ARAP2: variants seen among roughly 807,000 people sequenced by gnomAD.
The protein encoded by ARAP2 is arf-GAP with Rho-GAP domain, ANK repeat and PH domain-containing protein 2.
A neutral mutation model predicts 194.5 loss-of-function variants in ARAP2; 148 were observed. That is an observed-to-expected ratio of 0.76 (90% CI 0.67 to 0.87). The LOEUF (loss-of-function observed/expected upper bound fraction) is 0.87, where lower values mean the gene tolerates loss of function less well. Ranked by LOEUF, ARAP2 falls within the 40% of genes least tolerant of loss-of-function variation. The probability of loss-of-function intolerance (pLI) is 0.00; values close to 1 mark genes in which losing one functional copy is unlikely to be tolerated. For synonymous variants in ARAP2, 695 were observed against 683.5 expected, an observed-to-expected ratio of 1.02 and a Z score of -0.26; for missense variants, 2,128 against 1,989.7, an observed-to-expected ratio of 1.07 and a Z score of -1.32.
chr4:36,025,090 G>C (rs991204254), intron 5 of ARAP2, among the ~76,000 whole-genome samples: 1 of 152,102 alleles, frequency 6.6e-6, no homozygotes, highest in Non-Finnish European at 1.5e-5. Flanking sequence ...GTGGGTGTTG[G>C]AGATAATTCA....
In ARAP2 at chr4:36,229,158, C is replaced by A. The variant is rs745913587; in HGVS notation, c.329G>T (p.Gly110Val). Reference protein sequence around the residue: ...QNICIELSNSGSVQTSSPPQL... With the variant: ...QNICIELSNSVSVQTSSPPQL... ...CGGTGGGCTAGATGTCTGAACACTA[C>A]CAGAATTGGAAAGTTCTATGCAGAT... The change falls in exon 2 of 33, where the codon GGT becomes GTT. Residue 110 changes from glycine to valine, a missense_variant. By Grantham distance (109) the Gly-to-Val change is moderately radical. Transcript: ENST00000303965. The A allele has an allele frequency of 1.2e-6, 2 of 1,614,058 alleles. No individual in the cohort carries two copies. Among genetic ancestry groups the A allele is most frequent in the South Asian group, 1.1e-5 (1 of 91,078 alleles).
intron 30 of ARAP2, 112 bp downstream of exon 30, chr4:36,082,139 A>T (rs1729703840): frequency 9.9e-7 from 1 of 1,005,212 alleles, no homozygotes; most frequent in Non-Finnish European, 1.5e-6. Flanking sequence ...CCCTAATTTC[A>T]CTTAGGCAAA....
At chr4:36,048,290 T>G (rs1306199487) in intron 3 of ARAP2, among the ~76,000 whole-genome samples, 1 of 152,184 alleles carries the variant, frequency 6.6e-6, no homozygotes, top group Non-Finnish European at 1.5e-5. Flanking sequence ...GTCACATGGG[T>G]GTATTGAATG....
At chr4:36,018,464 A>C (rs1002296441) in intron 6 of ARAP2, among the ~76,000 whole-genome samples, 1 of 136,892 alleles carries the variant, frequency 7.3e-6, no homozygotes, top group Non-Finnish European at 1.6e-5. Context: ...AAAAAAAAAA[A>C]CTCAGCTGAA....
chr4:36,229,075 G>A lies in ARAP2; in HGVS notation c.412C>T (p.Gln138Ter). ...AGCTTATCATCTGATTGAGGATACT[G>A]GCTTCTTTCCACACTTGCATCACTG... ...EDSDASVERS[Q>*]YPQSDDKLSP... The change falls in exon 2 of 33, where the codon CAG becomes TAG. Residue 138 changes from glutamine (Q) to a stop codon, truncating the protein, a stop_gained. Coordinates refer to ENST00000303965, the MANE Select transcript of ARAP2 (RefSeq NM_015230.4). LOFTEE classifies it high-confidence loss of function. The A allele has an allele frequency of 6.2e-7, 1 of 1,614,038 alleles. No homozygotes were observed. Among genetic ancestry groups the A allele is most frequent in the Non-Finnish European group, 8.5e-7 (1 of 1,179,990 alleles).
At chr4:36,173,587 A>G (rs1737138005) in intron 9 of ARAP2, among the ~76,000 whole-genome samples, 2 of 149,474 alleles carry the variant, frequency 1.3e-5, no homozygotes, top group South Asian at 4.1e-4. Flanking sequence ...TTTCTTAAAG[A>G]ACATAAAGTA....
At chr4:36,129,392 T>C (rs1724831371) in intron 20 of ARAP2, among the ~76,000 whole-genome samples, 1 of 151,916 alleles carries the variant, frequency 6.6e-6, no homozygotes, top group Non-Finnish European at 1.5e-5. Context: ...CTGTCTCACA[T>C]GCCTGTTAAT....
At chr4:36,031,374 C>G (rs114045691) in intron 5 of ARAP2, among the ~76,000 whole-genome samples, 1,615 of 152,220 alleles carry the variant, frequency 0.011, 33 homozygotes, top group African/African-American at 0.037. Context: ...AATCGAATGC[C>G]TTCTTATACT....
Position 36,170,937 on chromosome 4 carries a change from GA to G in ARAP2, c.1858-3891del, listed in dbSNP as rs112477826. Among the ~76,000 whole-genome samples the G allele has an allele frequency of 6.3e-3, 922 of 145,644 alleles. 5 individuals carry two copies. Among genetic ancestry groups the G allele is most frequent in the Middle Eastern group, 0.014 (4 of 278 alleles). On this transcript the variant is annotated intron_variant, in intron 9 of 32. Coordinates refer to ENST00000303965, the MANE Select transcript of ARAP2 (RefSeq NM_015230.4). ...AGATAACAGAAAAATGCAGTAGGTG[GA>G]AAAAAAAAAATGCCTGGTGGCCTGG... is the stretch of plus-strand genomic sequence containing the variant.
chr4:36,033,445 C>A (rs1426846730), intron 5 of ARAP2, among the ~76,000 whole-genome samples: 1 of 151,092 alleles, frequency 6.6e-6, no homozygotes, highest in Non-Finnish European at 1.5e-5. Flanking sequence ...AGTATGTCTC[C>A]TTTTCTGAAG....
At chr4:36,175,799 T>TTCCATGTATATGGAAACTTCTA in intron 9 of ARAP2, among the ~76,000 whole-genome samples, 1 of 152,206 alleles carries the variant, frequency 6.6e-6, no homozygotes, top group South Asian at 2.1e-4. Context: ...TATATGGAAA[T>TTCCATGTATATGGAAACTTCTA]GCTTCTAATT....
chr4:36,197,068 C>T (rs1464876107), intron 6 of ARAP2, among the ~76,000 whole-genome samples: 2 of 151,520 alleles, frequency 1.3e-5, no homozygotes, highest in African/African-American at 4.9e-5. Context: ...GCTTCGTATA[C>T]CACCCATACT....
intron 8 of ARAP2, among the ~76,000 whole-genome samples, chr4:36,183,773 A>T (rs1466180618): frequency 3.9e-5 from 6 of 152,220 alleles, no homozygotes; most frequent in Non-Finnish European, 2.9e-5. Flanking sequence ...TCATTAGGAA[A>T]TTAGCCGGGG....
intron 8 of ARAP2, among the ~76,000 whole-genome samples, chr4:36,013,679 A>G (rs1471440455): frequency 6.6e-6 from 1 of 152,190 alleles, no homozygotes; most frequent in Non-Finnish European, 1.5e-5. Flanking sequence ...AAGGAGAGTT[A>G]ACATACATTA....
At chr4:36,034,898 T>C (rs751074066) in intron 5 of ARAP2, among the ~76,000 whole-genome samples, 1 of 152,152 alleles carries the variant, frequency 6.6e-6, no homozygotes, top group African/African-American at 2.4e-5. Flanking sequence ...CATTTATTGA[T>C]TTGCATATGT....
intron 6 of ARAP2, among the ~76,000 whole-genome samples, chr4:36,206,157 G>C (rs904804646): frequency 1.3e-5 from 2 of 152,166 alleles, no homozygotes; most frequent in African/African-American, 4.8e-5. Context: ...CAGTAAAGGA[G>C]CCTTGGAGAC....
chr4:36,100,308 C>A (rs567388231), intron 27 of ARAP2, among the ~76,000 whole-genome samples: 1 of 151,928 alleles, frequency 6.6e-6, no homozygotes, highest in East Asian at 2.0e-4. Context: ...CAAGGAAATA[C>A]ACAACAAATT....
In ARAP2 at chr4:36,229,554, T is replaced by C. The variant is rs1351240678; in HGVS notation, c.-68A>G. ...GATGAGACACACACACAAGAAGATG[T>C]ACTTCTCTACTGGCTTTTCCTCTAT... On this transcript the variant is annotated 5_prime_UTR_variant, in exon 2 of 33. Coordinates refer to ENST00000303965, the MANE Select transcript of ARAP2 (RefSeq NM_015230.4). 8.1e-7 allele frequency: 1 copy of C among 1,229,206 alleles called. No individual in the cohort carries two copies. The highest frequency in any genetic ancestry group is 1.1e-6 in the Non-Finnish European group (1 of 881,250). 76.1% of individuals were successfully genotyped at this position (1,229,206 alleles called of 1,614,324 possible). A position where few individuals can be genotyped will look rare whatever the true frequency, so the allele number is the denominator to read the frequency against.
chr4:36,209,841 T>G (rs887172457), intron 6 of ARAP2, among the ~76,000 whole-genome samples: 3 of 152,174 alleles, frequency 2.0e-5, no homozygotes, highest in South Asian at 4.1e-4. Flanking sequence ...TTGTAAACAT[T>G]TGTTGATAAA....
Sources: gnomAD v4.1 joint callset for allele counts (sites outside exome capture counted in the v4.1 genomes callset) on GRCh38, gnomAD v4.1.1 for gene constraint, MANE v1.5 for transcripts, NCBI Gene and HGNC (gene_info 2026-07-23, HGNC 2026-07-21) for gene names.